Variants in FSTL5 observed in about 807,000 individuals in gnomAD.
The protein encoded by FSTL5 is follistatin-related protein 5.
Under a neutral mutation model 89.1 loss-of-function variants are expected in FSTL5, and 62 were observed. The ratio of observed to expected loss-of-function variants is 0.70; its 90% confidence interval spans 0.57 to 0.86. The LOEUF (loss-of-function observed/expected upper bound fraction) is 0.86. Among genes scored for constraint, FSTL5 ranks in the 40% least tolerant of loss-of-function variants. The pLI, the probability that FSTL5 is intolerant of heterozygous loss-of-function variation, is 0.00. For synonymous variants in FSTL5, 383 were observed against 346.2 expected (o/e 1.11, Z -1.18); for missense variants, 1,057 against 1,001.6 (o/e 1.06, Z -0.75).
At chr4:161,784,456 T>C (rs1741808307) in intron 4 of FSTL5, among the ~76,000 whole-genome samples, 2 of 152,306 alleles carry the variant, frequency 1.3e-5, no homozygotes, top group South Asian at 4.1e-4. Context: ...GCATCAAATA[T>C]AGTCAAAAGA....
intron 13 of FSTL5, among the ~76,000 whole-genome samples, chr4:161,467,412 A>G (rs557697432): frequency 6.6e-6 from 1 of 152,244 alleles, no homozygotes; most frequent in African/African-American, 2.4e-5. Context: ...TCAAATTGAG[A>G]ATTGATGCTT....
At chr4:162,017,831 T>C (rs1736956447) in intron 3 of FSTL5, among the ~76,000 whole-genome samples, 1 of 152,218 alleles carries the variant, frequency 6.6e-6, no homozygotes, top group South Asian at 2.1e-4. Flanking sequence ...CAGAGTCCCT[T>C]ATTTAAACTT....
intron 7 of FSTL5, among the ~76,000 whole-genome samples, chr4:161,620,157 G>C (rs1048636660): frequency 7.2e-6 from 1 of 139,658 alleles, no homozygotes; most frequent in Non-Finnish European, 1.5e-5. Flanking sequence ...CATGGACACA[G>C]GAAGGGGAAC....
chr4:162,093,533 G>A lies in FSTL5; in HGVS notation c.126+17738C>T, dbSNP rs190182590. On this transcript the variant is annotated intron_variant, in intron 2 of 15. Transcript: ENST00000306100. ...CTGCTGGGATTAAGGAGAGATAAAA[G>A]CTGGTTCACATTCCTTCTTTAAAAA... 2.1e-4 allele frequency among the ~76,000 whole-genome samples: 32 copies of A among 152,238 alleles called. No individual in the cohort carries two copies. In the East Asian group the frequency reaches 6.2e-3, roughly 29 times the overall value.
intron 6 of FSTL5, among the ~76,000 whole-genome samples, chr4:161,723,334 C>CTAA (rs1265969082): frequency 6.6e-6 from 1 of 151,928 alleles, no homozygotes; most frequent in Non-Finnish European, 1.5e-5. Flanking sequence ...AAATGTATTA[C>CTAA]CCTTGGTTAA....
At chr4:161,516,671 C>G (rs905485611) in intron 10 of FSTL5, among the ~76,000 whole-genome samples, 2 of 138,444 alleles carry the variant, frequency 1.4e-5, no homozygotes, top group African/African-American at 5.4e-5. Flanking sequence ...TATACACACA[C>G]TAAGTATATA....
At chr4:161,582,552 A>T (rs147426057) in intron 8 of FSTL5, among the ~76,000 whole-genome samples, 149 of 152,334 alleles carry the variant, frequency 9.8e-4, no homozygotes, top group Non-Finnish European at 1.9e-3. Flanking sequence ...CAAGTACAAA[A>T]CACCATAAAA....
intron 6 of FSTL5, among the ~76,000 whole-genome samples, chr4:161,699,438 G>C (rs1738297409): frequency 6.6e-6 from 1 of 152,160 alleles, no homozygotes; most frequent in South Asian, 2.1e-4. Context: ...AAATCAGCCA[G>C]TGTTCAGATT....
chr4:161,555,460 T>C (rs1333215083), intron 8 of FSTL5, among the ~76,000 whole-genome samples: 1 of 151,552 alleles, frequency 6.6e-6, no homozygotes, highest in Non-Finnish European at 1.5e-5. Flanking sequence ...TGGATGATGC[T>C]GGTTTCTTTT....
intron 10 of FSTL5, among the ~76,000 whole-genome samples, chr4:161,530,302 C>T (rs1731364748): frequency 7.1e-6 from 1 of 141,308 alleles, no homozygotes; most frequent in South Asian, 2.5e-4. Flanking sequence ...TAGTTGGAAA[C>T]AAATGGCTGG....
At chr4:161,442,797 T>C (rs1481703153) in intron 15 of FSTL5, among the ~76,000 whole-genome samples, 25 of 151,956 alleles carry the variant, frequency 1.6e-4, no homozygotes, top group Admixed American at 1.5e-3. Context: ...ACCAAACTAG[T>C]GTAAAGTGGA....
chr4:161,749,256 T>G (rs1740311917), intron 6 of FSTL5, among the ~76,000 whole-genome samples: 1 of 152,126 alleles, frequency 6.6e-6, no homozygotes, highest in Non-Finnish European at 1.5e-5. Context: ...CTATTCACAA[T>G]AGCAAAGTCA....
At chr4:161,423,000 A>T (rs971416147) in intron 15 of FSTL5, among the ~76,000 whole-genome samples, 9 of 152,218 alleles carry the variant, frequency 5.9e-5, no homozygotes, top group Admixed American at 5.2e-4. Context: ...AGCTTGCTAT[A>T]AATTCAGAAA....
chr4:161,780,088 T>C (rs71610980), intron 4 of FSTL5, among the ~76,000 whole-genome samples: 9,996 of 148,820 alleles, frequency 0.067, 445 homozygotes, highest in Middle Eastern at 0.16. Flanking sequence ...ATTAGTAACT[T>C]TAAAGAAAAA....
At position 161,968,870 on chromosome 4, in the gene FSTL5, C is replaced by A. The variant is rs544944748; in HGVS notation, c.161-48218G>T. On this transcript the variant is annotated intron_variant, in intron 3 of 15. Transcript: ENST00000306100. ...TAAAAGACAGGAGAATACCTCTTGT[C>A]ATAAAAGACCTTAAGAAGCAAAGAT... 8.6e-5 allele frequency among the ~76,000 whole-genome samples: 13 copies of A among 151,590 alleles called. No homozygotes were observed. The East Asian group carries it at 2.6e-3, about 30-fold the overall frequency.
At chr4:161,608,094 T>C (rs1322941089) in intron 7 of FSTL5, among the ~76,000 whole-genome samples, 1 of 152,122 alleles carries the variant, frequency 6.6e-6, no homozygotes, top group African/African-American at 2.4e-5. Flanking sequence ...AATTTCCAAA[T>C]ATGCCCAATG....
chr4:161,781,799 C>A (rs1208647531), intron 4 of FSTL5, among the ~76,000 whole-genome samples: 4 of 152,136 alleles, frequency 2.6e-5, no homozygotes, highest in Non-Finnish European at 4.4e-5. Flanking sequence ...GTTGTACATT[C>A]TATGGGTTCT....
intron 3 of FSTL5, among the ~76,000 whole-genome samples, chr4:161,942,784 T>G (rs891234832): frequency 3.3e-4 from 50 of 152,038 alleles, no homozygotes; most frequent in Non-Finnish European, 5.9e-5. Context: ...TGGTGTCCAT[T>G]TTTCACCAGT....
At chr4:161,530,646 T>C (rs1387517242) in intron 10 of FSTL5, among the ~76,000 whole-genome samples, 1 of 152,060 alleles carries the variant, frequency 6.6e-6, no homozygotes, top group African/African-American at 2.4e-5. Flanking sequence ...CCTTATAGTA[T>C]ATTTATTATA....
Sources: gnomAD v4.1 joint callset for allele counts (sites outside exome capture counted in the v4.1 genomes callset) on GRCh38, gnomAD v4.1.1 for gene constraint, MANE v1.5 for transcripts, NCBI Gene and HGNC (gene_info 2026-07-23, HGNC 2026-07-21) for gene names.